Variants in MYO10 observed in about 807,000 individuals in gnomAD.
The protein encoded by MYO10 is myosin X, also known as unconventional myosin-X.
MYO10 carries 133 observed loss-of-function variants against 257.3 expected under a neutral mutation model. The ratio of observed to expected loss-of-function variants is 0.52; its 90% confidence interval spans 0.45 to 0.60. The LOEUF (loss-of-function observed/expected upper bound fraction) is 0.60. MYO10 is among the 20% of genes least tolerant of loss of function. The probability of loss-of-function intolerance (pLI) is 0.00; values close to 1 mark genes in which losing one functional copy is unlikely to be tolerated. For synonymous variants in MYO10, 1,104 were observed against 1,028.6 expected (o/e 1.07, Z -1.40); for missense variants, 2,399 against 2,635.7 (o/e 0.91, Z 1.97).
rs1736418357 is a variant in MYO10 at position 16,670,819 on chromosome 5, T to C, written c.5590A>G (p.Ile1864Val). 6.2e-7 allele frequency: 1 copy of C among 1,613,938 alleles called. No homozygotes were observed. Among genetic ancestry groups the C allele is most frequent in the South Asian group, 1.1e-5 (1 of 91,094 alleles). Residue 1864 changes from isoleucine to valine, a missense_variant, in exon 39 of 41, where the codon ATC becomes GTC. Transcript: ENST00000513610. ...VYSLQRLKAR[I>V]SQSTKTFTPC... ...GTGAAGGTTTTGGTTGACTGGCTGATGCGGGCCTTGAGTCTCTGCAGGGAA... is the reference window on the plus strand; with the variant it reads ...GTGAAGGTTTTGGTTGACTGGCTGACGCGGGCCTTGAGTCTCTGCAGGGAA...
Position 16,668,109 on chromosome 5 carries a change from G to A in MYO10, c.6075+168C>T, listed in dbSNP as rs1034120089. On this transcript the variant is annotated intron_variant, in intron 40 of 40. Transcript: ENST00000513610. ...AAAAAATATGGTGATCTCAGATTTT[G>A]GCCTGCAGGGAACCGGCAGCTGGAA... Among the ~76,000 whole-genome samples, 38 of 152,084 alleles carry A rather than the reference G, an allele frequency of 2.5e-4. 1 individual carries two copies. The highest frequency in any genetic ancestry group is 2.9e-5 in the Non-Finnish European group (2 of 68,018).
intron 38 of MYO10, among the ~76,000 whole-genome samples, 156 bp downstream of exon 38, chr5:16,671,266 T>C (rs1736446520): frequency 6.6e-6 from 1 of 152,216 alleles, no homozygotes; most frequent in Non-Finnish European, 1.5e-5. Flanking sequence ...CAGGTTTCAT[T>C]CTACAAACGA....
intron 2 of MYO10, among the ~76,000 whole-genome samples, chr5:16,841,315 A>T (rs1743474512): frequency 1.3e-5 from 2 of 152,178 alleles, no homozygotes; most frequent in South Asian, 4.1e-4. Flanking sequence ...TATTAAAGAC[A>T]ATTATTTTGT....
chr5:16,681,516 A>T lies in MYO10; in HGVS notation c.4190-13T>A. ...TTGTGCAACCATCCTGGAAAAAAAG[A>T]TTAAAGTGTAAATTAAAATCTGTGA... On this transcript the variant is annotated splice_polypyrimidine_tract_variant and intron_variant, in intron 31 of 40. Coordinates refer to ENST00000513610, the MANE Select transcript of MYO10 (RefSeq NM_012334.3). 1 of 1,594,162 alleles carries T rather than the reference A, an allele frequency of 6.3e-7. No homozygotes were observed. Among genetic ancestry groups the T allele is most frequent in the Non-Finnish European group, 8.5e-7 (1 of 1,171,396 alleles).
intron 3 of MYO10, among the ~76,000 whole-genome samples, chr5:16,803,917 A>C (rs1050846195): frequency 6.6e-6 from 1 of 152,146 alleles, no homozygotes; most frequent in Admixed American, 6.5e-5. Context: ...ACACATTCGC[A>C]CACCCACTCA....
At chr5:16,692,920 G>C (rs2126527353) in intron 27 of MYO10, among the ~76,000 whole-genome samples, 1 of 152,272 alleles carries the variant, frequency 6.6e-6, no homozygotes, top group South Asian at 2.1e-4. Flanking sequence ...ATGTACTCTG[G>C]TGAAATTCAA....
In MYO10 at chr5:16,796,469, A is replaced by AAAGAAAGAAAGAAAGAAAGAAAG. The variant is rs879800508; in HGVS notation, c.280-1637_280-1636insCTTTCTTTCTTTCTTTCTTTCTT. ...GAAAGAAAGAAAGAAAGAAAGAAAG[A>AAAGAAAGAAAGAAAGAAAGAAAG]AAAGAAAAGAAAAGAAAGAAAGAAA... On this transcript the variant is annotated intron_variant, in intron 3 of 40. Coordinates refer to ENST00000513610, the MANE Select transcript of MYO10 (RefSeq NM_012334.3). 1.2e-4 allele frequency among the ~76,000 whole-genome samples: 15 copies of AAAGAAAGAAAGAAAGAAAGAAAG among 120,932 alleles called. 1 individual carries two copies. Among genetic ancestry groups the AAAGAAAGAAAGAAAGAAAGAAAG allele is most frequent in the South Asian group, 1.0e-3 (4 of 3,844 alleles). 79.3% of individuals were successfully genotyped at this position (120,932 alleles called of 152,430 possible).
intron 17 of MYO10, among the ~76,000 whole-genome samples, chr5:16,759,127 T>C (rs1740620691): frequency 6.6e-6 from 1 of 152,216 alleles, no homozygotes. Flanking sequence ...TTCACCATGT[T>C]GGCCAGGCTG....
chr5:16,817,812 A>G (rs1742669180), intron 3 of MYO10, among the ~76,000 whole-genome samples, 197 bp downstream of exon 3: 1 of 152,188 alleles, frequency 6.6e-6, no homozygotes, highest in Admixed American at 6.5e-5. Flanking sequence ...GTAAATCCCC[A>G]CTAATAAAAC....
intron 19 of MYO10, among the ~76,000 whole-genome samples, chr5:16,717,856 G>C (rs1403151758): frequency 1.3e-5 from 2 of 152,210 alleles, no homozygotes; most frequent in East Asian, 1.9e-4. Context: ...GGTGGCATTT[G>C]AGGAGCCCTT....
chr5:16,713,228 G>A, intron 19 of MYO10: 1 of 812,064 alleles, frequency 1.2e-6, no homozygotes, highest in Non-Finnish European at 1.5e-6. Context: ...AGTCTCTATA[G>A]AACAAAGTCT....
At chr5:16,931,403 C>A (rs1746291058) in intron 1 of MYO10, among the ~76,000 whole-genome samples, 1 of 152,162 alleles carries the variant, frequency 6.6e-6, no homozygotes, top group African/African-American at 2.4e-5. Context: ...ACTGGAAAAG[C>A]AAACACTCTG....
In MYO10 at chr5:16,781,791, T is replaced by C. The variant is rs1741432568; in HGVS notation, c.641A>G (p.Tyr214Cys). The change falls in exon 6 of 41, where the codon TAC becomes TGC. Residue 214 changes from tyrosine (Y) to cysteine (C), a missense_variant. Physicochemically the swap from Tyr to Cys is radical, Grantham distance 194. Coordinates refer to ENST00000513610, the MANE Select transcript of MYO10 (RefSeq NM_012334.3). ...CCCAAAGCGACTAGAGTTGTTGTTG[T>C]ACACGGTCTTCGCATTGCCGAAAGC... ...MEAFGNAKTVYNNNSSRFGKF... is the reference protein window; with the variant it reads ...MEAFGNAKTVCNNNSSRFGKF... 1 of 1,613,924 alleles carries C rather than the reference T, an allele frequency of 6.2e-7. No homozygotes were observed. The highest frequency in any genetic ancestry group is 1.7e-5 in the Admixed American group (1 of 60,004).
intron 9 of MYO10, among the ~76,000 whole-genome samples, chr5:16,770,357 C>A (rs1741010046): frequency 6.6e-6 from 1 of 152,120 alleles, no homozygotes; most frequent in African/African-American, 2.4e-5. Context: ...TTTTTATGGT[C>A]TTATCTTGGC....
At chr5:16,756,006 G>A (rs1288535361) in intron 18 of MYO10, among the ~76,000 whole-genome samples, 5 of 152,060 alleles carry the variant, frequency 3.3e-5, no homozygotes, top group Admixed American at 1.3e-4. Context: ...ATTAAAATGT[G>A]CAATGGTCTC....
chr5:16,872,274 G>C (rs926464051), intron 2 of MYO10, among the ~76,000 whole-genome samples: 4 of 152,196 alleles, frequency 2.6e-5, no homozygotes, highest in Non-Finnish European at 5.9e-5. Flanking sequence ...ATCATGCTAA[G>C]TGAAATAAAC....
At chr5:16,726,764 A>C (rs976999455) in intron 19 of MYO10, among the ~76,000 whole-genome samples, 1 of 152,226 alleles carries the variant, frequency 6.6e-6, no homozygotes, top group Admixed American at 6.5e-5. Context: ...CCAAAATAGA[A>C]ATCAACTTCT....
chr5:16,714,465 G>A (rs73051056), intron 19 of MYO10, among the ~76,000 whole-genome samples: 2,650 of 152,230 alleles, frequency 0.017, 70 homozygotes, highest in African/African-American at 0.061. Context: ...GAGACCAACG[G>A]GGTCAGATCT....
At chr5:16,895,373 T>C (rs1414039992) in intron 1 of MYO10, among the ~76,000 whole-genome samples, 1 of 152,098 alleles carries the variant, frequency 6.6e-6, no homozygotes, top group East Asian at 1.9e-4. Context: ...GTCCATCAAA[T>C]ACAGCCATGT....
Sources: gnomAD v4.1 joint callset for allele counts (sites outside exome capture counted in the v4.1 genomes callset) on GRCh38, gnomAD v4.1.1 for gene constraint, MANE v1.5 for transcripts, NCBI Gene and HGNC (gene_info 2026-07-23, HGNC 2026-07-21) for gene names.